NKAIN2: variants seen among roughly 807,000 people sequenced by gnomAD.
The protein encoded by NKAIN2 is sodium/potassium-transporting ATPase subunit beta-1-interacting protein 2.
In NKAIN2, 14 loss-of-function variants were observed where a neutral mutation model predicts 32.6. The observed-to-expected ratio is 0.43, with a 90% CI of 0.28 to 0.67. NKAIN2 has a LOEUF of 0.67. Among genes scored for constraint, NKAIN2 ranks in the 30% least tolerant of loss-of-function variants. NKAIN2 has a pLI of 0.17. For missense variants in NKAIN2, 198 were observed against 258.3 expected (o/e 0.77, Z 1.60); for synonymous variants, 80 against 87.2 (o/e 0.92, Z 0.46).
At chr6:124,345,149 GTA>G (rs1798341863) in intron 2 of NKAIN2, among the ~76,000 whole-genome samples, 1 of 151,906 alleles carries the variant, frequency 6.6e-6, no homozygotes, top group Non-Finnish European at 1.5e-5. Context: ...TGATTTGCGT[GTA>G]TTGAACCAGC....
chr6:124,420,257 C>T lies in NKAIN2; in HGVS notation c.273+64910C>T, dbSNP rs533072748. On this transcript the variant is annotated intron_variant, in intron 3 of 6. Coordinates refer to ENST00000368417, the MANE Select transcript of NKAIN2 (RefSeq NM_001040214.3). ...GACACTTGAAGTAGGAAACCATTTC[C>T]TTTGTCTTGGCCTTACTCTCTGTAT... Among the ~76,000 whole-genome samples the T allele has an allele frequency of 1.6e-4, 25 of 152,206 alleles. No homozygotes were observed. The South Asian group carries it at 5.0e-3, about 30-fold the overall frequency.
intron 3 of NKAIN2, among the ~76,000 whole-genome samples, chr6:124,441,026 T>C (rs77773437): frequency 0.02 from 3,114 of 152,192 alleles, 118 homozygotes; most frequent in African/African-American, 0.071. Context: ...TTTCTGGGTA[T>C]CACCTAAGAT....
chr6:124,067,385 T>G (rs1783241092), intron 1 of NKAIN2, among the ~76,000 whole-genome samples: 2 of 152,144 alleles, frequency 1.3e-5, no homozygotes, highest in Non-Finnish European at 2.9e-5. Flanking sequence ...TCCTTTTCAC[T>G]CCACAGTATT....
In NKAIN2 at chr6:124,703,821, G is replaced by A. The variant is rs182798122; in HGVS notation, c.474+45435G>A. 2.8e-3 allele frequency among the ~76,000 whole-genome samples: 420 copies of A among 152,066 alleles called. 1 individual carries two copies. Among genetic ancestry groups the A allele is most frequent in the Non-Finnish European group, 5.1e-3 (349 of 67,906 alleles). ...AAAATTTACCAACAGATAGGGATTT[G>A]TGCCAGTTTGTGGGTGAATCTGGAA... On this transcript the variant is annotated intron_variant, in intron 4 of 6. Transcript: ENST00000368417.
intron 1 of NKAIN2, among the ~76,000 whole-genome samples, chr6:124,279,853 G>T (rs555090260): frequency 3.1e-4 from 47 of 152,174 alleles, no homozygotes; most frequent in Non-Finnish European, 6.2e-4. Context: ...CTCAATAGAT[G>T]CAGAAATAAT....
intron 1 of NKAIN2, among the ~76,000 whole-genome samples, chr6:124,213,533 C>G (rs910411767): frequency 1.3e-4 from 19 of 151,572 alleles, no homozygotes; most frequent in African/African-American, 4.6e-4. Flanking sequence ...TAAACATAGA[C>G]CAAGGGAAGA....
intron 3 of NKAIN2, among the ~76,000 whole-genome samples, chr6:124,648,081 G>A (rs1784243115): frequency 6.6e-6 from 1 of 152,146 alleles, no homozygotes; most frequent in African/African-American, 2.4e-5. Flanking sequence ...CTTTACTCAA[G>A]ACCATTGCAA....
At chr6:124,727,495 A>G (rs2114651244) in intron 4 of NKAIN2, among the ~76,000 whole-genome samples, 1 of 150,848 alleles carries the variant, frequency 6.6e-6, no homozygotes, top group Non-Finnish European at 1.5e-5. Flanking sequence ...TACTTTACAG[A>G]CAAGCAAATG....
chr6:123,958,240 A>G (rs1582842453), intron 1 of NKAIN2, among the ~76,000 whole-genome samples: 1 of 134,532 alleles, frequency 7.4e-6, no homozygotes, highest in East Asian at 2.0e-4. Context: ...TTTTTGAAGG[A>G]AAAAAAAAAA....
At chr6:123,951,684 C>A (rs538922971) in intron 1 of NKAIN2, among the ~76,000 whole-genome samples, 1 of 151,696 alleles carries the variant, frequency 6.6e-6, no homozygotes, top group South Asian at 2.1e-4. Context: ...TTTTTGTAGG[C>A]AGCATACTAC....
intron 3 of NKAIN2, among the ~76,000 whole-genome samples, chr6:124,575,207 T>C (rs611601): frequency 0.9 from 137,340 of 152,214 alleles, 62,019 homozygotes; most frequent in Admixed American, 0.94. Context: ...CCTGCAGGAT[T>C]TGGAGACCTC....
intron 1 of NKAIN2, among the ~76,000 whole-genome samples, chr6:124,044,505 A>G (rs73770320): frequency 0.014 from 2,132 of 152,120 alleles, 48 homozygotes; most frequent in African/African-American, 0.049. Context: ...TTCTTTGCAT[A>G]TAGAACTGTG....
chr6:123,953,824 A>G (rs1777436978), intron 1 of NKAIN2, among the ~76,000 whole-genome samples: 1 of 152,198 alleles, frequency 6.6e-6, no homozygotes, highest in African/African-American at 2.4e-5. Context: ...TAGGAGCAGC[A>G]GCGACTGCAC....
intron 1 of NKAIN2, among the ~76,000 whole-genome samples, chr6:123,829,548 G>C (rs541025126): frequency 1.3e-5 from 2 of 152,232 alleles, no homozygotes; most frequent in African/African-American, 4.8e-5. Context: ...TTGTCTTAAG[G>C]CTTGTGGACT....
intron 1 of NKAIN2, among the ~76,000 whole-genome samples, chr6:123,880,575 C>T (rs932116401): frequency 5.9e-5 from 9 of 151,990 alleles, no homozygotes; most frequent in Non-Finnish European, 1.2e-4. Context: ...TCAAGAACTG[C>T]GTATTTGAAA....
At chr6:123,851,244 ATTTTTTTTTTT>A (rs59287833) in intron 1 of NKAIN2, among the ~76,000 whole-genome samples, 3 of 88,196 alleles carry the variant, frequency 3.4e-5, no homozygotes, top group African/African-American at 9.6e-5. Flanking sequence ...TGGTGGTTCT[ATTTTTTTTTTT>A]TTTTTTTTTT....
At chr6:124,193,191 C>G (rs11154206) in intron 1 of NKAIN2, among the ~76,000 whole-genome samples, 104,142 of 152,144 alleles carry the variant, frequency 0.68, 35,803 homozygotes, top group South Asian at 0.71. Flanking sequence ...AGTGGTGCCT[C>G]TGCCCGAGTT....
intron 4 of NKAIN2, among the ~76,000 whole-genome samples, chr6:124,780,712 CATCT>C (rs1176831780): frequency 3.3e-5 from 5 of 152,172 alleles, no homozygotes; most frequent in Non-Finnish European, 7.4e-5. Context: ...TCATCCCATC[CATCT>C]GACTCTCCAC....
chr6:124,096,973 T>A (rs1399977349), intron 1 of NKAIN2, among the ~76,000 whole-genome samples: 1 of 152,118 alleles, frequency 6.6e-6, no homozygotes, highest in Admixed American at 6.6e-5. Context: ...GAACTGAGAA[T>A]GATTTAAGAA....
Sources: allele counts gnomAD v4.1 joint callset (sites outside exome capture counted in the v4.1 genomes callset), GRCh38; gene constraint gnomAD v4.1.1; transcripts MANE v1.5; gene names NCBI Gene and HGNC (gene_info 2026-07-23, HGNC 2026-07-21).